ROCK1: variants seen among roughly 807,000 people sequenced by gnomAD.
ROCK1 encodes the protein rho-associated protein kinase 1.
ROCK1 carries 36 observed loss-of-function variants against 196.8 expected under a neutral mutation model. That is an observed-to-expected ratio of 0.18 (90% CI 0.14 to 0.24). The LOEUF (loss-of-function observed/expected upper bound fraction) is 0.24. ROCK1 is among the 10% of genes least tolerant of loss of function. The pLI is 1.00. For missense variants in ROCK1, 920 were observed against 1,562.0 expected (o/e 0.59, Z 6.93); for synonymous variants, 443 against 515.9 (o/e 0.86, Z 1.91).
intron 1 of ROCK1, among the ~76,000 whole-genome samples, chr18:21,075,685 G>A (rs1337962320): frequency 1.3e-5 from 2 of 152,106 alleles, no homozygotes; most frequent in African/African-American, 2.4e-5. Flanking sequence ...TGGGCATGGT[G>A]GCTCACACCT....
chr18:21,038,693 C>T (rs920615170), intron 9 of ROCK1, among the ~76,000 whole-genome samples: 1 of 152,126 alleles, frequency 6.6e-6, no homozygotes, highest in Non-Finnish European at 1.5e-5. Flanking sequence ...CTATTCACTG[C>T]TATTGCTAAG....
At chr18:20,961,740 A>C (rs764295656) in intron 27 of ROCK1, among the ~76,000 whole-genome samples, 2 of 151,826 alleles carry the variant, frequency 1.3e-5, no homozygotes, top group Non-Finnish European at 2.9e-5. Context: ...TCTTCATATA[A>C]ATTGTTAAAA....
intron 25 of ROCK1, chr18:20,968,345 C>T (rs1448146761): frequency 1.2e-5 from 2 of 169,158 alleles, no homozygotes; most frequent in East Asian, 1.7e-4. Context: ...CTTGCTCTGT[C>T]GCCCAGGCTG....
chr18:21,029,048 A>G, intron 9 of ROCK1, 113 bp from the exon 10 acceptor site: 1 of 976,938 alleles, frequency 1.0e-6, no homozygotes, highest in Non-Finnish European at 1.5e-6. Context: ...TGCAAACCAC[A>G]AATTCCACCT....
chr18:20,961,681 T>A (rs1396325987), intron 27 of ROCK1, among the ~76,000 whole-genome samples: 1 of 152,146 alleles, frequency 6.6e-6, no homozygotes, highest in South Asian at 2.1e-4. Flanking sequence ...TTTTTTCCCC[T>A]ACTCCCACCA....
chr18:21,008,871 A>G (rs2035790934), intron 13 of ROCK1, among the ~76,000 whole-genome samples: 1 of 152,190 alleles, frequency 6.6e-6, no homozygotes, highest in Non-Finnish European at 1.5e-5. Flanking sequence ...CCCCCAGTAG[A>G]GACATTATAT....
intron 29 of ROCK1, among the ~76,000 whole-genome samples, chr18:20,959,033 T>TATATATATTTTATA (rs1320049839): frequency 1.0e-4 from 6 of 57,500 alleles, no homozygotes; most frequent in African/African-American, 6.6e-4. Context: ...ATATATATAT[T>TATATATATTTTATA]TTATATAATA....
intron 28 of ROCK1, 77 bp downstream of exon 28, chr18:20,960,056 AAGT>A: frequency 9.0e-7 from 1 of 1,116,154 alleles, no homozygotes; most frequent in South Asian, 1.3e-5. Flanking sequence ...TAGTAAAAAA[AAGT>A]AGCTAATATA....
chr18:20,951,885 A>T (rs937101835), intron 32 of ROCK1, among the ~76,000 whole-genome samples: 3 of 152,324 alleles, frequency 2.0e-5, no homozygotes, highest in East Asian at 1.9e-4. Flanking sequence ...TGGCCCTATT[A>T]ATCTAGGGAG....
chr18:21,093,126 T>C (rs1162591134), intron 1 of ROCK1, among the ~76,000 whole-genome samples: 1 of 152,244 alleles, frequency 6.6e-6, no homozygotes, highest in Non-Finnish European at 1.5e-5. Context: ...ACATTATATC[T>C]AAATTGGTCA....
chr18:21,099,639 G>C (rs1226178172), intron 1 of ROCK1, among the ~76,000 whole-genome samples: 1 of 152,202 alleles, frequency 6.6e-6, no homozygotes, highest in Admixed American at 6.5e-5. Flanking sequence ...CAGCCGCTCA[G>C]GAAACTGAAG....
rs113104450 is a variant in ROCK1, at chr18:20,987,007, C to T, written c.2247G>A (p.Lys749=). The part of the protein sequence containing the change: ...KQCSMLDVDL[K]QSQQKLEHLT... ...AATGTTCTAGTTTCTGCTGAGATTG[C>T]TTCAGATCAACGTCTAGCATGGAAC... The change falls in exon 19 of 33, where the codon AAG becomes AAA. Residue 749 remains lysine, a synonymous_variant. Coordinates refer to ENST00000399799, the MANE Select transcript of ROCK1 (RefSeq NM_005406.3). 2.4e-5 allele frequency: 39 copies of T among 1,609,636 alleles called. No homozygotes were observed. In the African/African-American group the frequency reaches 4.2e-4, roughly 17 times the overall value.
At chr18:21,013,311 C>T (rs1165487987) in intron 13 of ROCK1, among the ~76,000 whole-genome samples, 1 of 152,148 alleles carries the variant, frequency 6.6e-6, no homozygotes, top group Non-Finnish European at 1.5e-5. Context: ...TGCAGAAGTC[C>T]AGGTTTTCCA....
At chr18:21,013,983 G>A (rs1199169710) in intron 13 of ROCK1, among the ~76,000 whole-genome samples, 4 of 151,118 alleles carry the variant, frequency 2.6e-5, no homozygotes, top group Admixed American at 2.0e-4. Context: ...GGAGAATAGC[G>A]TGAACCCGGG....
chr18:21,045,587 T>A, intron 4 of ROCK1, 120 bp from the exon 5 acceptor site: 1 of 794,310 alleles, frequency 1.3e-6, no homozygotes, highest in Non-Finnish European at 1.9e-6. Flanking sequence ...TTACAGAAGT[T>A]GCAAGTCTAG....
chr18:20,973,767 CTTT>C (rs2035453047), intron 22 of ROCK1, among the ~76,000 whole-genome samples: 1 of 149,914 alleles, frequency 6.7e-6, no homozygotes, highest in African/African-American at 2.5e-5. Flanking sequence ...CAATTTATGA[CTTT>C]TTTGTGACCT....
At chr18:21,017,837 G>A (rs1460013727) in intron 12 of ROCK1, among the ~76,000 whole-genome samples, 1 of 151,756 alleles carries the variant, frequency 6.6e-6, no homozygotes, top group Non-Finnish European at 1.5e-5. Flanking sequence ...GCCAGGCATG[G>A]TGGCGGGCGC....
intron 22 of ROCK1, 116 bp from the exon 23 acceptor site, chr18:20,970,629 T>A: frequency 1.5e-6 from 1 of 686,938 alleles, no homozygotes; most frequent in Non-Finnish European, 2.3e-6. Flanking sequence ...ATTTTATTGC[T>A]TAAAATAAAT....
intron 23 of ROCK1, chr18:20,969,495 T>C (rs577022565): frequency 3.4e-5 from 8 of 235,612 alleles, no homozygotes; most frequent in African/African-American, 1.8e-4. Flanking sequence ...TTGTATTTAG[T>C]TCTAGCTCTG....
Sources: allele counts gnomAD v4.1 joint callset (sites outside exome capture counted in the v4.1 genomes callset), GRCh38; gene constraint gnomAD v4.1.1; transcripts MANE v1.5; gene names NCBI Gene and HGNC (gene_info 2026-07-23, HGNC 2026-07-21).